The following CDH18 variants were observed in gnomAD, a reference collection of about 807,000 sequenced individuals.
CDH18 encodes cadherin-18.
In CDH18, 31 loss-of-function variants were observed where a neutral mutation model predicts 67.9. The ratio of observed to expected loss-of-function variants is 0.46; its 90% CI spans 0.34 to 0.62. CDH18 has a LOEUF of 0.62. Ranked by LOEUF, CDH18 falls within the 20% of genes least tolerant of loss-of-function variation. The probability of loss-of-function intolerance (pLI) is 0.01; values close to 1 mark genes in which losing one functional copy is unlikely to be tolerated. For missense variants in CDH18, 890 were observed against 975.5 expected (o/e 0.91, Z 1.17); for synonymous variants, 362 against 347.2 (o/e 1.04, Z -0.48).
At chr5:20,009,242 T>G (rs970739118) in intron 2 of CDH18, among the ~76,000 whole-genome samples, 1 of 152,084 alleles carries the variant, frequency 6.6e-6, no homozygotes, top group Non-Finnish European at 1.5e-5. Flanking sequence ...TGATTAGATA[T>G]GAGCTTTTCT....
chr5:20,460,946 C>T (rs541934040), intron 1 of CDH18, among the ~76,000 whole-genome samples: 141 of 152,256 alleles, frequency 9.3e-4, no homozygotes, highest in Non-Finnish European at 1.7e-3. Flanking sequence ...AAAAATGTAT[C>T]CTCAGGAGCT....
intron 1 of CDH18, among the ~76,000 whole-genome samples, chr5:20,326,370 C>T (rs1738577964): frequency 6.6e-6 from 1 of 151,976 alleles, no homozygotes; most frequent in Admixed American, 6.6e-5. Context: ...TCCCAATAGT[C>T]TTTACATATA....
At chr5:19,741,258 T>TACATATGTATGTATATATGTATAC (rs1554020271) in intron 4 of CDH18, among the ~76,000 whole-genome samples, 1 of 143,252 alleles carries the variant, frequency 7.0e-6, no homozygotes, top group Non-Finnish European at 1.5e-5. Flanking sequence ...TGTATATATG[T>TACATATGTATGTATATATGTATAC]ATACATATAT....
chr5:19,497,303 G>T (rs893080201), intron 11 of CDH18, among the ~76,000 whole-genome samples: 1 of 152,140 alleles, frequency 6.6e-6, no homozygotes, highest in East Asian at 1.9e-4. Context: ...ATCAACCAAA[G>T]CTGTATGTGT....
At chr5:19,545,322 A>T (rs1436957648) in intron 8 of CDH18, among the ~76,000 whole-genome samples, 1 of 152,192 alleles carries the variant, frequency 6.6e-6, no homozygotes, top group Non-Finnish European at 1.5e-5. Flanking sequence ...ATCTATGTCA[A>T]TGTGGCTATG....
chr5:19,529,280 G>A (rs1022139084), intron 9 of CDH18, among the ~76,000 whole-genome samples: 1 of 151,912 alleles, frequency 6.6e-6, no homozygotes, highest in African/African-American at 2.4e-5. Flanking sequence ...TAACAAATAT[G>A]ACATTTTTAA....
At chr5:19,902,832 C>A (rs999167604) in intron 2 of CDH18, among the ~76,000 whole-genome samples, 1 of 152,078 alleles carries the variant, frequency 6.6e-6, no homozygotes, top group African/African-American at 2.4e-5. Context: ...TAAAGTGGGC[C>A]TTATCTATCT....
chr5:19,695,337 A>G (rs1323751541), intron 5 of CDH18, among the ~76,000 whole-genome samples: 1 of 152,174 alleles, frequency 6.6e-6, no homozygotes, highest in African/African-American at 2.4e-5. Flanking sequence ...GCTACAAAGG[A>G]TAATTTTTAA....
intron 1 of CDH18, among the ~76,000 whole-genome samples, chr5:19,986,753 T>C (rs1266951639): frequency 6.6e-6 from 1 of 152,156 alleles, no homozygotes; most frequent in Non-Finnish European, 1.5e-5. Context: ...TCACATCCTA[T>C]CTTCTTCCTC....
At chr5:20,093,951 T>A (rs2150564592) in intron 2 of CDH18, among the ~76,000 whole-genome samples, 2 of 152,054 alleles carry the variant, frequency 1.3e-5, no homozygotes, top group African/African-American at 2.4e-5. Context: ...CATACCCAAT[T>A]CTCCAGTTTG....
chr5:20,244,195 G>A (rs1743200611), intron 2 of CDH18, among the ~76,000 whole-genome samples: 1 of 151,962 alleles, frequency 6.6e-6, no homozygotes, highest in Admixed American at 6.6e-5. Flanking sequence ...CGCTGAAGGT[G>A]GCTGAATTTT....
intron 1 of CDH18, among the ~76,000 whole-genome samples, chr5:20,280,886 A>T (rs905407532): frequency 1.3e-4 from 20 of 152,084 alleles, no homozygotes; most frequent in Non-Finnish European, 2.6e-4. Flanking sequence ...CCTGACTTTT[A>T]AATGATCGCC....
chr5:20,285,644 C>G (rs1345315753), intron 1 of CDH18, among the ~76,000 whole-genome samples: 2 of 150,936 alleles, frequency 1.3e-5, no homozygotes, highest in Non-Finnish European at 3.0e-5. Context: ...TCAATTTGCC[C>G]CCTTTTGTGG....
chr5:20,291,842 T>G (rs985637287), intron 1 of CDH18, among the ~76,000 whole-genome samples: 1 of 152,168 alleles, frequency 6.6e-6, no homozygotes, highest in African/African-American at 2.4e-5. Context: ...CTGCCTTTAT[T>G]TTATTTACTT....
At chr5:20,477,730 A>G (rs535670463) in intron 1 of CDH18, among the ~76,000 whole-genome samples, 53 of 152,304 alleles carry the variant, frequency 3.5e-4, no homozygotes, top group Non-Finnish European at 6.6e-4. Context: ...TTGCTTGGAA[A>G]GTCCTGGTGC....
At chr5:20,115,795 G>GA (rs1368286151) in intron 2 of CDH18, among the ~76,000 whole-genome samples, 5 of 152,170 alleles carry the variant, frequency 3.3e-5, no homozygotes, top group Non-Finnish European at 5.9e-5. Context: ...GTTCAGGGGA[G>GA]AAAAAATGTG....
chr5:19,805,270 A>C (rs566246589), intron 3 of CDH18, among the ~76,000 whole-genome samples: 1 of 152,202 alleles, frequency 6.6e-6, no homozygotes, highest in East Asian at 1.9e-4. Context: ...TTCTTATATT[A>C]TTCTCACTGG....
chr5:20,046,212 G>A (rs1740878107), intron 2 of CDH18, among the ~76,000 whole-genome samples: 1 of 151,946 alleles, frequency 6.6e-6, no homozygotes, highest in Non-Finnish European at 1.5e-5. Flanking sequence ...CATGGAATTT[G>A]TTGACAGATT....
intron 1 of CDH18, among the ~76,000 whole-genome samples, chr5:20,527,942 C>T (rs565473265): frequency 4.6e-5 from 7 of 151,932 alleles, no homozygotes; most frequent in Non-Finnish European, 8.8e-5. Flanking sequence ...GAGCTAAATG[C>T]CCCAATTAAA....
Sources: gnomAD v4.1 joint callset for allele counts (sites outside exome capture counted in the v4.1 genomes callset) on GRCh38, gnomAD v4.1.1 for gene constraint, MANE v1.5 for transcripts, NCBI Gene and HGNC (gene_info 2026-07-23, HGNC 2026-07-21) for gene names.